Variants in RASGRP1 observed in about 807,000 individuals in gnomAD.
RASGRP1 encodes the protein RAS guanyl releasing protein 1.
A neutral mutation model predicts 95.1 loss-of-function variants in RASGRP1; 37 were observed. The observed-to-expected ratio is 0.39, with a 90% CI of 0.30 to 0.51. The LOEUF (loss-of-function observed/expected upper bound fraction) is 0.51. RASGRP1 is among the 20% of genes least tolerant of loss of function. RASGRP1 has a pLI of 0.80. For synonymous variants in RASGRP1, 325 were observed against 353.4 expected, an observed-to-expected ratio of 0.92 and a Z score of 0.90; for missense variants, 711 against 965.4, an observed-to-expected ratio of 0.74 and a Z score of 3.49.
At chr15:38,500,733 G>C (rs1890980960) in intron 13 of RASGRP1, among the ~76,000 whole-genome samples, 1 of 152,134 alleles carries the variant, frequency 6.6e-6, no homozygotes, top group Non-Finnish European at 1.5e-5. Flanking sequence ...AACTGAGAAG[G>C]ATATAGAGCC....
intron 2 of RASGRP1, among the ~76,000 whole-genome samples, chr15:38,541,610 A>G (rs952856567): frequency 2.0e-5 from 3 of 152,116 alleles, no homozygotes; most frequent in African/African-American, 7.2e-5. Context: ...TCATATATAT[A>G]TATACACACA....
chr15:38,524,046 TC>T, intron 3 of RASGRP1: 1 of 152,236 alleles, frequency 6.6e-6, no homozygotes. Context: ...TATATTAAAG[TC>T]TTAAGTGTTA....
At position 38,494,325 on chromosome 15, in the gene RASGRP1, G is replaced by A. The variant is rs1890712384; in HGVS notation, c.2259+57C>T. The A allele has an allele frequency of 1.9e-6, 3 of 1,585,262 alleles. No homozygotes were observed. The African/African-American group carries it at 4.0e-5, about 21-fold the overall frequency. On this transcript the variant is annotated intron_variant, in intron 16 of 16. Coordinates refer to ENST00000310803, the MANE Select transcript of RASGRP1 (RefSeq NM_005739.4). ...TCTTCAGTCCACATGCTCTTTCCTG[G>A]TTTGGCCCCACTTCTCTAAGATAGT...
At chr15:38,553,450 TGCCAAAGTAGTACTTTTGG>T (rs1893417605) in intron 2 of RASGRP1, among the ~76,000 whole-genome samples, 1 of 152,208 alleles carries the variant, frequency 6.6e-6, no homozygotes, top group Non-Finnish European at 1.5e-5. Context: ...CATAATCTGT[TGCCAAAGTAGTACTTTTGG>T]GTAAGTACTC....
intron 2 of RASGRP1, among the ~76,000 whole-genome samples, chr15:38,531,355 A>G (rs1892429998): frequency 6.6e-6 from 1 of 152,212 alleles, no homozygotes; most frequent in African/African-American, 2.4e-5. Context: ...ATTCAAGAAT[A>G]AAGTGGGAGC....
intron 10 of RASGRP1, chr15:38,503,880 AT>A (rs112301596): frequency 3.2e-5 from 6 of 185,638 alleles, no homozygotes; most frequent in African/African-American, 1.2e-4. Context: ...TCATGAGGTG[AT>A]TTTGTCATTG....
At chr15:38,549,193 G>A (rs977093639) in intron 2 of RASGRP1, among the ~76,000 whole-genome samples, 3 of 152,208 alleles carry the variant, frequency 2.0e-5, no homozygotes, top group African/African-American at 7.2e-5. Context: ...GGTAGGTTTG[G>A]ATGAAGTAAA....
chr15:38,563,169 G>C (rs1215192856), intron 1 of RASGRP1, among the ~76,000 whole-genome samples: 2 of 152,154 alleles, frequency 1.3e-5, no homozygotes, highest in East Asian at 3.9e-4. Flanking sequence ...AAATCGTTCT[G>C]CCTTTTCTGG....
At chr15:38,547,175 T>C (rs1362014133) in intron 2 of RASGRP1, among the ~76,000 whole-genome samples, 1 of 152,238 alleles carries the variant, frequency 6.6e-6, no homozygotes, top group African/African-American at 2.4e-5. Context: ...TGGATTTTCA[T>C]GTAGCCTATA....
At chr15:38,561,761 C>T (rs1376229784) in intron 1 of RASGRP1, among the ~76,000 whole-genome samples, 1 of 152,182 alleles carries the variant, frequency 6.6e-6, no homozygotes. Context: ...GGTTATTGGG[C>T]ATCTGCTAAC....
At chr15:38,543,090 C>G (rs374431678) in intron 2 of RASGRP1, among the ~76,000 whole-genome samples, 1 of 151,666 alleles carries the variant, frequency 6.6e-6, no homozygotes, top group Non-Finnish European at 1.5e-5. Flanking sequence ...TGTGTCCTGT[C>G]TAAAAAATAC....
At chr15:38,528,875 C>G (rs979303890) in intron 2 of RASGRP1, among the ~76,000 whole-genome samples, 1 of 152,138 alleles carries the variant, frequency 6.6e-6, no homozygotes, top group Non-Finnish European at 1.5e-5. Context: ...AATTCAACGT[C>G]TAAGTTCAGA....
intron 1 of RASGRP1, among the ~76,000 whole-genome samples, chr15:38,560,883 A>ACG (rs1893779785): frequency 6.6e-6 from 1 of 152,186 alleles, no homozygotes; most frequent in Non-Finnish European, 1.5e-5. Context: ...ATCTACTCAC[A>ACG]CGCAGCTCTA....
At position 38,544,320 on chromosome 15, in the gene RASGRP1, C is replaced by G. The variant is rs544907211; in HGVS notation, c.220+15501G>C. 2.0e-5 allele frequency among the ~76,000 whole-genome samples: 3 copies of G among 152,290 alleles called. No individual in the cohort carries two copies. The South Asian group carries it at 6.2e-4, about 32-fold the overall frequency. ...TGCACAGTTTAGTCTTTGGAAATAC[C>G]TTCTCTCTTGTATGCCACTCCACAA... On this transcript the variant is annotated intron_variant, in intron 2 of 16. Coordinates refer to ENST00000310803, the MANE Select transcript of RASGRP1 (RefSeq NM_005739.4).
intron 7 of RASGRP1, 102 bp from the exon 8 acceptor site, chr15:38,511,822 G>T: frequency 2.9e-6 from 2 of 698,156 alleles, no homozygotes; most frequent in Non-Finnish European, 4.9e-6. Flanking sequence ...TCTCCCTTAC[G>T]CTGGTTAAAG....
intron 2 of RASGRP1, chr15:38,534,576 T>G (rs988765936): frequency 6.6e-6 from 1 of 152,254 alleles, no homozygotes; most frequent in Non-Finnish European, 1.5e-5. Context: ...TTCAAACTTT[T>G]ACAACAGGCC....
intron 11 of RASGRP1, 105 bp downstream of exon 11, chr15:38,503,167 G>A (rs1294720597): frequency 1.1e-5 from 10 of 881,326 alleles, no homozygotes; most frequent in African/African-American, 1.7e-5. Context: ...TTCAAGTTTC[G>A]TGCCTTTACA....
At chr15:38,513,049 GT>G in intron 6 of RASGRP1, 93 bp from the exon 7 acceptor site, 1 of 1,265,258 alleles carries the variant, frequency 7.9e-7, no homozygotes, top group Non-Finnish European at 1.0e-6. Flanking sequence ...AGTCTGCTCA[GT>G]TGATGGCTGG....
chr15:38,552,186 C>T (rs1893367619), intron 2 of RASGRP1, among the ~76,000 whole-genome samples: 1 of 152,232 alleles, frequency 6.6e-6, no homozygotes, highest in South Asian at 2.1e-4. Flanking sequence ...TTCTCAACCA[C>T]ACTGATACAT....
Sources: allele counts gnomAD v4.1 joint callset (sites outside exome capture counted in the v4.1 genomes callset), GRCh38; gene constraint gnomAD v4.1.1; transcripts MANE v1.5; gene names NCBI Gene and HGNC (gene_info 2026-07-23, HGNC 2026-07-21).